The following TSC22D3 variants were observed in gnomAD, a reference collection of about 807,000 sequenced individuals.
The protein encoded by TSC22D3 is TSC22 domain family member 3.
Under a neutral mutation model 11.1 loss-of-function variants are expected in TSC22D3, and 4 were observed. The observed-to-expected ratio is 0.36, with a 90% CI of 0.18 to 0.83. The LOEUF (loss-of-function observed/expected upper bound fraction) is 0.83. Among genes scored for constraint, TSC22D3 ranks in the 40% least tolerant of loss-of-function variants. TSC22D3 has a pLI of 0.48. For missense variants in TSC22D3, 118 were observed against 159.4 expected, an observed-to-expected ratio of 0.74 and a Z score of 1.40; for synonymous variants, 77 against 70.3, an observed-to-expected ratio of 1.10 and a Z score of -0.48.
At chrX:107,759,584 G>A (rs928162351) in intron 1 of TSC22D3, among the ~76,000 whole-genome samples, 2 of 112,356 alleles carry the variant, frequency 1.8e-5, no homozygotes, top group African/African-American at 6.5e-5. Context: ...ACCACCTCGA[G>A]CTGTAGCTCC....
intron 1 of TSC22D3, among the ~76,000 whole-genome samples, chrX:107,741,342 C>T (rs1452831190): frequency 3.6e-5 from 4 of 112,581 alleles, no homozygotes; most frequent in Non-Finnish European, 7.5e-5. Flanking sequence ...TAGTGTGTGG[C>T]AGTGAAGCCC....
intron 1 of TSC22D3, among the ~76,000 whole-genome samples, chrX:107,763,150 C>T (rs763824118): frequency 3.6e-5 from 4 of 111,388 alleles, no homozygotes; most frequent in Non-Finnish European, 7.5e-5. Context: ...CCACTGCGCC[C>T]GACCTGTACT....
At chrX:107,725,765 C>T (rs1460506850) in intron 1 of TSC22D3, among the ~76,000 whole-genome samples, 1 of 111,379 alleles carries the variant, frequency 9.0e-6, no homozygotes, top group Non-Finnish European at 1.9e-5. Context: ...TACTTCACAG[C>T]GGTCAGTGGA....
At chrX:107,769,431 C>T (rs1034835267) in intron 1 of TSC22D3, among the ~76,000 whole-genome samples, 9 of 111,298 alleles carry the variant, frequency 8.1e-5, no homozygotes, top group African/African-American at 2.9e-4. Context: ...TCTAAATAGG[C>T]AAATCCATAG....
intron 1 of TSC22D3, among the ~76,000 whole-genome samples, chrX:107,752,058 G>A (rs1277449829): frequency 2.7e-5 from 3 of 112,628 alleles, no homozygotes; most frequent in Non-Finnish European, 5.6e-5. Flanking sequence ...TAAGAGGCAG[G>A]AGATCAGGAA....
chrX:107,731,192 TGA>T (rs1927864533), intron 1 of TSC22D3, among the ~76,000 whole-genome samples: 1 of 111,981 alleles, frequency 8.9e-6, no homozygotes, highest in Admixed American at 9.5e-5. Context: ...TGCTTATCAG[TGA>T]TGTTCAAATC....
chrX:107,772,890 G>T (rs1929966433), intron 1 of TSC22D3, among the ~76,000 whole-genome samples: 1 of 111,759 alleles, frequency 8.9e-6, no homozygotes. Flanking sequence ...AAAAGCAAGA[G>T]AATACTTTGT....
intron 1 of TSC22D3, 81 bp downstream of exon 1, chrX:107,775,019 G>T: frequency 1.9e-6 from 2 of 1,070,281 alleles, no homozygotes; most frequent in South Asian, 4.1e-5. Context: ...CTTCCTAGTT[G>T]CCCCTTTTGC....
intron 1 of TSC22D3, among the ~76,000 whole-genome samples, chrX:107,769,600 C>T (rs1180338314): frequency 1.8e-5 from 2 of 111,191 alleles, no homozygotes; most frequent in Admixed American, 1.9e-4. Context: ...CCTAATGCTA[C>T]TGAATCGTAC....
chrX:107,726,982 A>G (rs1927662378), intron 1 of TSC22D3, among the ~76,000 whole-genome samples: 1 of 111,879 alleles, frequency 8.9e-6, no homozygotes, highest in South Asian at 3.7e-4. Flanking sequence ...TAAATATGGA[A>G]ACCGAGGAAC....
intron 1 of TSC22D3, 82 bp downstream of exon 1, chrX:107,775,018 T>C: frequency 1.9e-6 from 2 of 1,068,357 alleles, no homozygotes; most frequent in South Asian, 4.1e-5. Context: ...ACTTCCTAGT[T>C]GCCCCTTTTG....
intron 1 of TSC22D3, among the ~76,000 whole-genome samples, chrX:107,750,552 G>C (rs774896822): frequency 9.0e-6 from 1 of 111,530 alleles, no homozygotes; most frequent in East Asian, 2.8e-4. Flanking sequence ...GCCTGACCAG[G>C]ATTAGAGCCC....
chrX:107,774,104 C>A (rs1602428175), intron 1 of TSC22D3, among the ~76,000 whole-genome samples: 1 of 111,735 alleles, frequency 8.9e-6, no homozygotes, highest in African/African-American at 3.3e-5. Flanking sequence ...TCTTACATAA[C>A]CTGTGTTGTT....
intron 1 of TSC22D3, among the ~76,000 whole-genome samples, chrX:107,741,022 T>C (rs1190086763): frequency 9.1e-6 from 1 of 109,655 alleles, no homozygotes; most frequent in Non-Finnish European, 1.9e-5. Flanking sequence ...GCAGGGGAGA[T>C]GTTAGGTTTG....
At chrX:107,744,924 A>G (rs1928585603) in intron 1 of TSC22D3, among the ~76,000 whole-genome samples, 1 of 111,776 alleles carries the variant, frequency 8.9e-6, no homozygotes, top group Non-Finnish European at 1.9e-5. Context: ...GGCACCCAGT[A>G]CAGTTGTGTG....
At chrX:107,732,339 C>A (rs1927928411) in intron 1 of TSC22D3, among the ~76,000 whole-genome samples, 1 of 110,496 alleles carries the variant, frequency 9.1e-6, no homozygotes, top group African/African-American at 3.3e-5. Flanking sequence ...GGCAGACTGG[C>A]CCCCCTTCCC....
At chrX:107,716,881 C>T (rs762866962) in intron 1 of TSC22D3, 2 of 1,187,465 alleles carry the variant, frequency 1.7e-6, no homozygotes, top group East Asian at 6.1e-5. Context: ...TGGGTGGCTG[C>T]TGGCAGGCTG....
intron 1 of TSC22D3, among the ~76,000 whole-genome samples, chrX:107,764,735 G>A (rs772364496): frequency 1.8e-5 from 2 of 111,643 alleles, no homozygotes; most frequent in South Asian, 7.7e-4. Context: ...ACCTCAGAAG[G>A]GACCTCGTGG....
At chrX:107,735,037 A>C (rs1343093741) in intron 1 of TSC22D3, among the ~76,000 whole-genome samples, 4 of 110,870 alleles carry the variant, frequency 3.6e-5, no homozygotes, top group Non-Finnish European at 7.6e-5. Flanking sequence ...CCCGACCCTC[A>C]CTGTCCTTGC....
Sources: gnomAD v4.1 joint callset for allele counts (sites outside exome capture counted in the v4.1 genomes callset) on GRCh38, gnomAD v4.1.1 for gene constraint, MANE v1.5 for transcripts, NCBI Gene and HGNC (gene_info 2026-07-23, HGNC 2026-07-21) for gene names.